The following GALNTL6 variants were observed in gnomAD, a reference collection of about 807,000 sequenced individuals.
The protein encoded by GALNTL6 is polypeptide N-acetylgalactosaminyltransferase-like 6.
Under a neutral mutation model 73.7 loss-of-function variants are expected in GALNTL6, and 46 were observed. The observed-to-expected ratio is 0.62, with a 90% CI of 0.49 to 0.80. The LOEUF is 0.80. GALNTL6 is among the 30% of genes least tolerant of loss of function. The pLI is 0.00. For missense variants in GALNTL6, 604 were observed against 755.0 expected (o/e 0.80, Z 2.34); for synonymous variants, 259 against 263.7 (o/e 0.98, Z 0.17).
At chr4:171,982,533 C>T (rs1022440182) in intron 2 of GALNTL6, among the ~76,000 whole-genome samples, 1 of 151,992 alleles carries the variant, frequency 6.6e-6, no homozygotes, top group Non-Finnish European at 1.5e-5. Context: ...CTCCTGACCT[C>T]GTGATTCGCC....
At chr4:172,098,174 C>G (rs958374239) in intron 2 of GALNTL6, among the ~76,000 whole-genome samples, 1 of 152,004 alleles carries the variant, frequency 6.6e-6, no homozygotes, top group Non-Finnish European at 1.5e-5. Flanking sequence ...ATATGTCTCT[C>G]TCTATATATA....
intron 10 of GALNTL6, among the ~76,000 whole-genome samples, chr4:173,002,911 T>C (rs1035042672): frequency 1.3e-5 from 2 of 152,186 alleles, no homozygotes; most frequent in Non-Finnish European, 2.9e-5. Flanking sequence ...TGGTTCCATT[T>C]ATATGAGGTT....
At chr4:172,522,678 CAA>C (rs11342052) in intron 5 of GALNTL6, among the ~76,000 whole-genome samples, 6,847 of 102,110 alleles carry the variant, frequency 0.067, 458 homozygotes, top group African/African-American at 0.2. Flanking sequence ...CCCCCCCCCC[CAA>C]AAAAAAAGTG....
intron 3 of GALNTL6, among the ~76,000 whole-genome samples, chr4:172,261,724 G>A (rs11942792): frequency 0.04 from 6,028 of 151,272 alleles, 395 homozygotes; most frequent in African/African-American, 0.14. Context: ...ACTTTTTGAT[G>A]TAGGCAATTA....
At chr4:172,132,653 A>G (rs896652378) in intron 2 of GALNTL6, among the ~76,000 whole-genome samples, 8 of 152,170 alleles carry the variant, frequency 5.3e-5, no homozygotes, top group African/African-American at 1.7e-4. Flanking sequence ...ACAAAGCCAA[A>G]AAACTCTATT....
chr4:172,732,584 T>A (rs905946316), intron 5 of GALNTL6, among the ~76,000 whole-genome samples: 13 of 152,194 alleles, frequency 8.5e-5, no homozygotes, highest in African/African-American at 2.9e-4. Flanking sequence ...TTTGGTGGTT[T>A]TGAGATTCCT....
chr4:172,330,859 A>G (rs1404634667), intron 4 of GALNTL6, among the ~76,000 whole-genome samples: 1 of 152,004 alleles, frequency 6.6e-6, no homozygotes, highest in African/African-American at 2.4e-5. Context: ...TGTTAGTTTT[A>G]TGTTCAGACT....
At chr4:172,600,615 A>C (rs1445987470) in intron 5 of GALNTL6, among the ~76,000 whole-genome samples, 6 of 152,190 alleles carry the variant, frequency 3.9e-5, no homozygotes, top group Non-Finnish European at 8.8e-5. Context: ...GTCTAGGCAG[A>C]GAGATACTAC....
In GALNTL6 at chr4:172,206,822, T is replaced by G. The variant is rs984612534; in HGVS notation, c.139-22834T>G. Among the ~76,000 whole-genome samples, 5 of 84,830 alleles carry G rather than the reference T, an allele frequency of 5.9e-5. 1 individual carries two copies. The highest frequency in any genetic ancestry group is 1.8e-4 in the African/African-American group (5 of 27,092). 55.7% of individuals were successfully genotyped at this position (84,830 alleles called of 152,430 possible). A position where few individuals can be genotyped will look rare whatever the true frequency, so the allele number is the denominator to read the frequency against. ...GTTTTTCTGTTTTTTTTGTTTGTTT[T>G]TTTTTTTTTTTTTGAGACGGAGTCT... is the stretch of plus-strand genomic sequence containing the variant. On this transcript the variant is annotated intron_variant, in intron 2 of 12. Coordinates refer to ENST00000506823, the MANE Select transcript of GALNTL6 (RefSeq NM_001034845.3).
At chr4:172,254,646 A>G (rs940763430) in intron 3 of GALNTL6, among the ~76,000 whole-genome samples, 1 of 151,778 alleles carries the variant, frequency 6.6e-6, no homozygotes, top group Non-Finnish European at 1.5e-5. Flanking sequence ...GAAGAGGAGT[A>G]ATGATCGTGT....
intron 2 of GALNTL6, among the ~76,000 whole-genome samples, chr4:172,152,226 C>T (rs989878496): frequency 1.3e-5 from 2 of 152,202 alleles, no homozygotes; most frequent in Non-Finnish European, 2.9e-5. Flanking sequence ...GATCCACCCA[C>T]CTCAGCCTCC....
intron 2 of GALNTL6, among the ~76,000 whole-genome samples, chr4:171,907,282 G>A (rs1383097427): frequency 6.6e-6 from 1 of 152,146 alleles, no homozygotes; most frequent in African/African-American, 2.4e-5. Flanking sequence ...AAGCTGATAA[G>A]CAACTTCAGC....
intron 5 of GALNTL6, among the ~76,000 whole-genome samples, chr4:172,440,126 T>C (rs1358958919): frequency 6.6e-6 from 1 of 152,120 alleles, no homozygotes; most frequent in Non-Finnish European, 1.5e-5. Flanking sequence ...TCTTAGCATA[T>C]GATTCAGCTC....
intron 10 of GALNTL6, among the ~76,000 whole-genome samples, chr4:172,989,341 A>G (rs1335852507): frequency 6.6e-6 from 1 of 152,222 alleles, no homozygotes; most frequent in Non-Finnish European, 1.5e-5. Flanking sequence ...TCCTCATCTC[A>G]AATGAGACTT....
intron 5 of GALNTL6, among the ~76,000 whole-genome samples, chr4:172,406,301 C>T (rs1385841675): frequency 6.6e-6 from 1 of 151,974 alleles, no homozygotes; most frequent in Non-Finnish European, 1.5e-5. Flanking sequence ...GGACCACAGG[C>T]ATGTGCCATT....
chr4:172,389,072 C>T (rs1276254296), intron 5 of GALNTL6, among the ~76,000 whole-genome samples: 1 of 151,916 alleles, frequency 6.6e-6, no homozygotes, highest in East Asian at 1.9e-4. Flanking sequence ...TTATATTAGA[C>T]AAGACGTAAT....
chr4:172,566,585 A>G (rs961770495), intron 5 of GALNTL6, among the ~76,000 whole-genome samples: 23 of 152,150 alleles, frequency 1.5e-4, no homozygotes, highest in African/African-American at 5.3e-4. Flanking sequence ...GCATTTAAAA[A>G]AATCTCAAAT....
chr4:172,885,273 C>G (rs527380131), intron 8 of GALNTL6, among the ~76,000 whole-genome samples: 16 of 152,182 alleles, frequency 1.1e-4, no homozygotes, highest in African/African-American at 3.9e-4. Context: ...ATCTTTCCAT[C>G]TTTTGTGTGT....
Position 172,311,688 on chromosome 4 carries a change from T to A in GALNTL6, c.322T>A (p.Phe108Ile), listed in dbSNP as rs777934336. ...TGACTCAGCTTACAGGGAAAATGGT[T>A]TTAATATTTTCGTCAGCAACAATAT... Reference protein sequence around the residue: ...HDDSAYRENGFNIFVSNNIAL... With the variant: ...HDDSAYRENGINIFVSNNIAL... Residue 108 changes from phenylalanine (F) to isoleucine (I), a missense_variant, in exon 4 of 13, where the codon TTT (phenylalanine) becomes ATT (isoleucine). This residue lies in a region of GALNTL6 where 141 missense variants were observed against 156.6 expected (regional missense o/e 0.90). Coordinates refer to ENST00000506823, the MANE Select transcript of GALNTL6 (RefSeq NM_001034845.3). 1.2e-6 allele frequency: 2 copies of A among 1,611,764 alleles called. No homozygotes were observed. Among genetic ancestry groups the A allele is most frequent in the South Asian group, 2.2e-5 (2 of 90,904 alleles).
Sources: gnomAD v4.1 joint callset for allele counts (sites outside exome capture counted in the v4.1 genomes callset) on GRCh38, gnomAD v4.1.1 for gene constraint, gnomAD v4.1.1 regional missense constraint, MANE v1.5 for transcripts, NCBI Gene and HGNC (gene_info 2026-07-23, HGNC 2026-07-21) for gene names.